AGA: variants seen among roughly 807,000 people sequenced by gnomAD.
AGA encodes the protein aspartylglucosaminidase.
Under a neutral mutation model 40.1 loss-of-function variants are expected in AGA, and 31 were observed. That is an observed-to-expected ratio of 0.77 (90% confidence interval 0.58 to 1.04). The LOEUF is 1.04. Among genes scored for constraint, AGA ranks in the 50% least tolerant of loss-of-function variants. The pLI, the probability that AGA is intolerant of heterozygous loss-of-function variation, is 0.00. For missense variants in AGA, 445 were observed against 435.4 expected (o/e 1.02, Z -0.20); for synonymous variants, 148 against 144.0 (o/e 1.03, Z -0.20).
intron 6 of AGA, among the ~76,000 whole-genome samples, 180 bp downstream of exon 6, chr4:177,436,096 A>G (rs1206903368): frequency 6.6e-6 from 1 of 152,106 alleles, no homozygotes; most frequent in Non-Finnish European, 1.5e-5. Context: ...CCTAAACCCT[A>G]TAGCACTGGC....
intron 5 of AGA, among the ~76,000 whole-genome samples, chr4:177,436,615 T>C (rs1410123199): frequency 6.6e-6 from 1 of 152,136 alleles, no homozygotes; most frequent in East Asian, 1.9e-4. Context: ...TTCCACCACG[T>C]GACGACACAG....
At chr4:177,441,853 A>C (rs563999321) in intron 1 of AGA, among the ~76,000 whole-genome samples, 3 of 152,356 alleles carry the variant, frequency 2.0e-5, no homozygotes, top group African/African-American at 7.2e-5. Context: ...AGTCGTCTAC[A>C]AAATTGCAAA....
In AGA at chr4:177,436,282, A is replaced by G. The variant is rs1268136616; in HGVS notation, c.692T>C (p.Ile231Thr). ...TTCTTTTGGAAACACTAACCCATGTATTTTGAATTTTATACCATTTGTAGA... is the reference window on the plus strand; with the variant it reads ...TTCTTTTGGAAACACTAACCCATGTGTTTTGAATTTTATACCATTTGTAGA... ...GTSTNGIKFKIHGRVGDSPIP... is the reference protein window; with the variant it reads ...GTSTNGIKFKTHGRVGDSPIP... The change falls in exon 6 of 9, where the codon ATA (isoleucine) becomes ACA (threonine). Residue 231 changes from isoleucine to threonine, a missense_variant. By Grantham distance (89) the Ile-to-Thr change is moderately conservative (BLOSUM62 -1). Transcript: ENST00000264595. 1 of 1,610,706 alleles carries G rather than the reference A, an allele frequency of 6.2e-7. No homozygotes were observed. Among genetic ancestry groups the G allele is most frequent in the East Asian group, 2.2e-5 (1 of 44,850 alleles).
intron 8 of AGA, 111 bp downstream of exon 8, chr4:177,433,103 G>A (rs920196611): frequency 1.8e-5 from 26 of 1,450,878 alleles, no homozygotes; most frequent in Middle Eastern, 1.8e-4. Context: ...CCCACTTAAG[G>A]AGTCTCTTTT....
chr4:177,434,068 A>T (rs1736715770), intron 7 of AGA, among the ~76,000 whole-genome samples: 1 of 152,138 alleles, frequency 6.6e-6, no homozygotes, highest in South Asian at 2.1e-4. Flanking sequence ...ATCTTGGTTC[A>T]CTGCAACCTC....
chr4:177,435,969 A>C (rs1736802640), intron 6 of AGA, among the ~76,000 whole-genome samples: 1 of 151,866 alleles, frequency 6.6e-6, no homozygotes, highest in African/African-American at 2.4e-5. Flanking sequence ...TACACACACA[A>C]CTTTCCTAGC....
chr4:177,435,432 A>T (rs1411988321), intron 6 of AGA, among the ~76,000 whole-genome samples: 1 of 152,186 alleles, frequency 6.6e-6, no homozygotes, highest in Non-Finnish European at 1.5e-5. Context: ...ATTTACAGTG[A>T]CTATTCTATT....
At position 177,436,327 on chromosome 4, in the gene AGA, C is replaced by T; in HGVS notation, c.647G>A (p.Gly216Glu). ...TGTAGATGTACCAGCAGCAATATGT[C>T]CTGTCTTATGGATTACAACCATGCC... ...TIGMVVIHKT[G>E]HIAAGTSTNG... is the part of the protein sequence containing the mutation. The change falls in exon 6 of 9, where the codon GGA becomes GAA. Residue 216 changes from glycine (G) to glutamate (E), a missense_variant. Coordinates refer to ENST00000264595, the MANE Select transcript of AGA (RefSeq NM_000027.4). The T allele has an allele frequency of 6.2e-7, 1 of 1,613,426 alleles. No individual in the cohort carries two copies. The highest frequency in any genetic ancestry group is 8.5e-7 in the Non-Finnish European group (1 of 1,179,742).
Position 177,437,458 on chromosome 4 carries a change from T to C in AGA, c.569A>G (p.Gln190Arg). The C allele has an allele frequency of 6.2e-7, 1 of 1,613,640 alleles. No individual in the cohort carries two copies. The highest frequency in any genetic ancestry group is 8.5e-7 in the Non-Finnish European group (1 of 1,179,616). ...GPYKPPGILK[Q>R]DIPIHKETED... ...TGTTTCTTTATGGATAGGAATATCC[T>C]GCTTTAAGATACCAGGTGGTTTGTA... Residue 190 changes from glutamine to arginine, a missense_variant, in exon 5 of 9, where the codon CAG becomes CGG. By Grantham distance (43) the Gln-to-Arg change is conservative. Coordinates refer to ENST00000264595, the MANE Select transcript of AGA (RefSeq NM_000027.4).
Position 177,431,672 on chromosome 4 carries a change from T to C in AGA, c.*36A>G. ...GCAGCCTTTTCAGCCTTTGTTTCTT[T>C]CTTCTTTAAATACAGATGTTGACAG... On this transcript the variant is annotated 3_prime_UTR_variant, in exon 9 of 9. Coordinates refer to ENST00000264595, the MANE Select transcript of AGA (RefSeq NM_000027.4). The C allele has an allele frequency of 1.3e-6, 2 of 1,546,288 alleles. No homozygotes were observed. Among genetic ancestry groups the C allele is most frequent in the Non-Finnish European group, 1.8e-6 (2 of 1,119,490 alleles).
rs1061814 is a variant in AGA at position 177,431,525 on chromosome 4, T to G, written c.*183A>C. 386,147 of 659,422 alleles carry G rather than the reference T, an allele frequency of 0.59. 118,338 individuals are homozygous for G. The highest frequency in any genetic ancestry group is 0.66 in the Non-Finnish European group (243,194 of 366,344). 40.8% of individuals were successfully genotyped at this position (659,422 alleles called of 1,614,324 possible). A position where few individuals can be genotyped will look rare whatever the true frequency, so the allele number is the denominator to read the frequency against. On this transcript the variant is annotated 3_prime_UTR_variant, in exon 9 of 9. Coordinates refer to ENST00000264595, the MANE Select transcript of AGA (RefSeq NM_000027.4). ...CATCTTCAGATAATATAAGAAAGGT[T>G]AAATAAAAATAGATAATACAATTTC... is the stretch of plus-strand genomic sequence containing the variant.
At chr4:177,442,167 G>A in intron 1 of AGA, 82 bp downstream of exon 1, 5 of 1,584,580 alleles carry the variant, frequency 3.2e-6, no homozygotes, top group Admixed American at 1.8e-5. Context: ...CGCCCTGCCG[G>A]GTGACTGCAG....
intron 4 of AGA, 26 bp downstream of exon 4, chr4:177,438,715 CTTAT>C: frequency 7.1e-7 from 1 of 1,413,396 alleles, no homozygotes; most frequent in Non-Finnish European, 1.0e-6. Context: ...TTTCAATTAA[CTTAT>C]TTTTTTAAAT....
chr4:177,431,526 A>T lies in AGA; in HGVS notation c.*182T>A. ...ATCTTCAGATAATATAAGAAAGGTTAAATAAAAATAGATAATACAATTTCA... is the reference window on the plus strand; with the variant it reads ...ATCTTCAGATAATATAAGAAAGGTTTAATAAAAATAGATAATACAATTTCA... On this transcript the variant is annotated 3_prime_UTR_variant, in exon 9 of 9. Transcript: ENST00000264595. 2 of 663,898 alleles carry T rather than the reference A, an allele frequency of 3.0e-6. No homozygotes were observed. Among genetic ancestry groups the T allele is most frequent in the Non-Finnish European group, 5.4e-6 (2 of 368,628 alleles). The allele number at this position is 663,898 out of a possible 1,614,324, so 41.1% of individuals were successfully genotyped here. A position where few individuals can be genotyped will look rare whatever the true frequency, so the allele number is the denominator to read the frequency against.
intron 5 of AGA, among the ~76,000 whole-genome samples, chr4:177,436,687 G>A (rs1037356835): frequency 2.6e-5 from 4 of 152,190 alleles, no homozygotes; most frequent in African/African-American, 4.8e-5. Flanking sequence ...ACCTGCCAGC[G>A]CCTTGACCTT....
In AGA at chr4:177,431,361, C is replaced by A. The variant is rs1245064901; in HGVS notation, c.*347G>T. 2 of 443,106 alleles carry A rather than the reference C, an allele frequency of 4.5e-6. No individual in the cohort carries two copies. The highest frequency in any genetic ancestry group is 2.7e-5 in the Admixed American group (1 of 37,318). 27.4% of individuals were successfully genotyped at this position (443,106 alleles called of 1,614,324 possible). A position where few individuals can be genotyped will look rare whatever the true frequency, so the allele number is the denominator to read the frequency against. On this transcript the variant is annotated 3_prime_UTR_variant, in exon 9 of 9. Coordinates refer to ENST00000264595, the MANE Select transcript of AGA (RefSeq NM_000027.4). ...AACTTGTATACTCTATTTTAAGCATCCAAATATGATGATTCCTTTTGGGTT... is the reference window on the plus strand; with the variant it reads ...AACTTGTATACTCTATTTTAAGCATACAAATATGATGATTCCTTTTGGGTT...
chr4:177,437,481 G>C lies in AGA; in HGVS notation c.546C>G (p.Tyr182Ter). ...IPDPSKYCGP[Y>*]KPPGILKQDI... ...CCTGCTTTAAGATACCAGGTGGTTT[G>C]TAGGGTCCGCAGTATTTTGAGGGAT... Residue 182 changes from tyrosine to a stop codon, truncating the protein, a stop_gained, in exon 5 of 9, where the codon TAC becomes TAG. Transcript: ENST00000264595. LOFTEE classifies it high-confidence loss of function. The C allele has an allele frequency of 1.2e-6, 2 of 1,613,046 alleles. No individual in the cohort carries two copies. The highest frequency in any genetic ancestry group is 1.1e-5 in the South Asian group (1 of 91,064).
Position 177,440,141 on chromosome 4 carries a change from G to A in AGA, c.281+132C>T, listed in dbSNP as rs930523260. ...TCAGTTGAGAGGGAAACTGTGTTTA[G>A]AAAGGTCAAGTATAATAAGCTAGGG... On this transcript the variant is annotated intron_variant, in intron 2 of 8. Transcript: ENST00000264595. 2.7e-6 allele frequency: 3 copies of A among 1,094,308 alleles called. No individual in the cohort carries two copies. The East Asian group carries it at 7.1e-5, about 26-fold the overall frequency. The allele number at this position is 1,094,308 out of a possible 1,614,324, so 67.8% of individuals were successfully genotyped here. A position where few individuals can be genotyped will look rare whatever the true frequency, so the allele number is the denominator to read the frequency against.
rs2271101 is a variant in AGA at position 177,438,565 on chromosome 4, A to G, written c.507+180T>C. On this transcript the variant is annotated intron_variant, in intron 4 of 8. Transcript: ENST00000264595. ...AGCTCTCCATGCTGGATATGCACCC[A>G]ATGCAGCTAGAGGTGTTTCAGGAAC... Among the ~76,000 whole-genome samples, 68,136 of 151,966 alleles carry G rather than the reference A, an allele frequency of 0.45. 15,461 individuals carry two copies. The highest frequency in any genetic ancestry group is 0.47 in the Non-Finnish European group (31,929 of 67,972).
Sources: gnomAD v4.1 joint callset for allele counts (sites outside exome capture counted in the v4.1 genomes callset) on GRCh38, gnomAD v4.1.1 for gene constraint, MANE v1.5 for transcripts, NCBI Gene and HGNC (gene_info 2026-07-23, HGNC 2026-07-21) for gene names.